ARHGEF28: variants seen among roughly 807,000 people sequenced by gnomAD.
ARHGEF28 encodes 190 kDa guanine nucleotide exchange factor.
ARHGEF28 carries 152 observed loss-of-function variants against 206.6 expected under a neutral mutation model. The observed-to-expected ratio is 0.74, with a 90% CI of 0.64 to 0.84. The LOEUF is 0.84. Ranked by LOEUF, ARHGEF28 falls within the 40% of genes least tolerant of loss-of-function variation. The probability of loss-of-function intolerance (pLI) is 0.00; values close to 1 mark genes in which losing one functional copy is unlikely to be tolerated. For missense variants in ARHGEF28, 2,028 were observed against 2,073.2 expected (o/e 0.98, Z 0.42); for synonymous variants, 763 against 776.4 (o/e 0.98, Z 0.29).
chr5:73,729,225 A>C (rs1218794631), intron 2 of ARHGEF28, among the ~76,000 whole-genome samples: 3 of 152,122 alleles, frequency 2.0e-5, no homozygotes, highest in African/African-American at 7.2e-5. Context: ...TCATTTGTCA[A>C]ATGAGGATTA....
At chr5:73,879,260 T>G (rs1760748853) in intron 22 of ARHGEF28, among the ~76,000 whole-genome samples, 1 of 152,248 alleles carries the variant, frequency 6.6e-6, no homozygotes, top group Non-Finnish European at 1.5e-5. Context: ...TCTCGAGCCT[T>G]GGCTTTCAGC....
At chr5:73,723,697 G>A (rs1453195486) in intron 2 of ARHGEF28, among the ~76,000 whole-genome samples, 4 of 152,168 alleles carry the variant, frequency 2.6e-5, no homozygotes, top group Non-Finnish European at 2.9e-5. Flanking sequence ...ATCCATTTAA[G>A]AGGATAAGCC....
At chr5:73,928,110 T>C (rs1465254322) in intron 35 of ARHGEF28, among the ~76,000 whole-genome samples, 3 of 152,256 alleles carry the variant, frequency 2.0e-5, no homozygotes, top group Non-Finnish European at 4.4e-5. Context: ...TGACATCTCA[T>C]AATTTTGTAG....
intron 31 of ARHGEF28, chr5:73,902,309 C>T (rs1762313768): frequency 6.6e-6 from 1 of 152,120 alleles, no homozygotes; most frequent in East Asian, 1.9e-4. Flanking sequence ...TCCTGCTTTT[C>T]ATCACTTTTA....
intron 2 of ARHGEF28, among the ~76,000 whole-genome samples, chr5:73,704,954 C>T (rs1748848001): frequency 1.3e-5 from 2 of 152,080 alleles, no homozygotes; most frequent in Non-Finnish European, 2.9e-5. Flanking sequence ...TACTATTTGT[C>T]AATCTTTAAC....
At chr5:73,913,223 A>G (rs1035119685) in intron 35 of ARHGEF28, among the ~76,000 whole-genome samples, 8 of 152,208 alleles carry the variant, frequency 5.3e-5, no homozygotes, top group Non-Finnish European at 1.2e-4. Context: ...ACAGGAGAGA[A>G]GAAAGTCAAC....
intron 2 of ARHGEF28, among the ~76,000 whole-genome samples, chr5:73,720,503 C>A (rs1011878615): frequency 6.6e-6 from 1 of 151,976 alleles, no homozygotes; most frequent in African/African-American, 2.4e-5. Flanking sequence ...CCAGGGATTT[C>A]AGAGGTGAGA....
chr5:73,858,761 T>C (rs1458227431), intron 16 of ARHGEF28, among the ~76,000 whole-genome samples: 2 of 152,224 alleles, frequency 1.3e-5, no homozygotes, highest in Admixed American at 1.3e-4. Context: ...TCTCAAAGCA[T>C]TAGCCAGAGT....
intron 2 of ARHGEF28, among the ~76,000 whole-genome samples, chr5:73,689,483 C>T (rs1747681266): frequency 2.0e-5 from 3 of 152,182 alleles, no homozygotes; most frequent in Non-Finnish European, 2.9e-5. Flanking sequence ...GCTGGGACTA[C>T]AGGCACATGC....
intron 2 of ARHGEF28, among the ~76,000 whole-genome samples, chr5:73,687,015 A>G (rs1747517850): frequency 6.6e-6 from 1 of 152,186 alleles, no homozygotes; most frequent in Admixed American, 6.5e-5. Flanking sequence ...AGATGCTCTT[A>G]CATTCACTGT....
chr5:73,680,110 A>C (rs1218244782), intron 1 of ARHGEF28, among the ~76,000 whole-genome samples: 1 of 152,110 alleles, frequency 6.6e-6, no homozygotes, highest in Admixed American at 6.6e-5. Flanking sequence ...GTACTTGAAC[A>C]GTTTTCGATA....
At chr5:73,932,625 CAT>C (rs1764186829) in intron 35 of ARHGEF28, among the ~76,000 whole-genome samples, 1 of 152,028 alleles carries the variant, frequency 6.6e-6, no homozygotes, top group Non-Finnish European at 1.5e-5. Flanking sequence ...CCTTTCTAAA[CAT>C]AAGAATTCCA....
chr5:73,682,549 A>T (rs1211124747), intron 1 of ARHGEF28, among the ~76,000 whole-genome samples: 1 of 151,728 alleles, frequency 6.6e-6, no homozygotes, highest in Non-Finnish European at 1.5e-5. Flanking sequence ...TCCAGCTGAG[A>T]TTACAGGTGC....
intron 35 of ARHGEF28, among the ~76,000 whole-genome samples, chr5:73,936,292 A>G (rs1322170096): frequency 2.0e-5 from 3 of 152,166 alleles, no homozygotes; most frequent in Non-Finnish European, 4.4e-5. Context: ...TAACTTTGCA[A>G]ATACTATCTT....
chr5:73,717,938 C>T (rs766968434), intron 2 of ARHGEF28, among the ~76,000 whole-genome samples: 8 of 152,056 alleles, frequency 5.3e-5, no homozygotes, highest in African/African-American at 9.7e-5. Context: ...TGTGCTGGCG[C>T]GATCATCTTA....
chr5:73,695,920 T>C (rs1580493756), intron 2 of ARHGEF28, among the ~76,000 whole-genome samples: 1 of 152,274 alleles, frequency 6.6e-6, no homozygotes, highest in East Asian at 1.9e-4. Context: ...CTTTCCTCAT[T>C]CTCTTATTTC....
chr5:73,643,708 A>G (rs1465908709), intron 1 of ARHGEF28, among the ~76,000 whole-genome samples: 1 of 151,630 alleles, frequency 6.6e-6, no homozygotes, highest in African/African-American at 2.4e-5. Context: ...CCAGCTACTC[A>G]GGAGGCTGAG....
chr5:73,832,958 C>G (rs1225760782), intron 10 of ARHGEF28, among the ~76,000 whole-genome samples: 1 of 152,168 alleles, frequency 6.6e-6, no homozygotes, highest in Non-Finnish European at 1.5e-5. Flanking sequence ...CATATTAATA[C>G]AGAATGGTAT....
chr5:73,911,486 C>A lies in ARHGEF28; in HGVS notation c.4859C>A (p.Ser1620Ter). Reference protein sequence around the residue: ...VDLKVDPSQPSNVSHKLWTAA... With the variant: ...VDLKVDPSQP ...CTCAAGGTGGACCCTTCTCAGCCTT[C>A]GAATGTCAGTCACAAACTGTGGACA... The change falls in exon 35 of 36, where the codon TCG (serine) becomes TAG (stop). Residue 1620 changes from serine to a stop codon, truncating the protein, a stop_gained. Transcript: ENST00000513042. LOFTEE classifies it high-confidence loss of function. The A allele has an allele frequency of 6.2e-7, 1 of 1,613,894 alleles. No individual in the cohort carries two copies. The highest frequency in any genetic ancestry group is 8.5e-7 in the Non-Finnish European group (1 of 1,179,852).
Sources: allele counts gnomAD v4.1 joint callset (sites outside exome capture counted in the v4.1 genomes callset), GRCh38; gene constraint gnomAD v4.1.1; transcripts MANE v1.5; gene names NCBI Gene and HGNC (gene_info 2026-07-23, HGNC 2026-07-21).